The following PDXDC1 variants were observed in gnomAD, a reference collection of about 807,000 sequenced individuals.
PDXDC1 encodes pyridoxal-dependent decarboxylase domain-containing protein 1.
In PDXDC1, 42 loss-of-function variants were observed where a neutral mutation model predicts 100.1. The observed-to-expected ratio is 0.42, with a 90% confidence interval of 0.33 to 0.54. PDXDC1 has a LOEUF of 0.54. Ranked by LOEUF, PDXDC1 falls within the 20% of genes least tolerant of loss-of-function variation. The pLI, the probability that PDXDC1 is intolerant of heterozygous loss-of-function variation, is 0.10. For synonymous variants in PDXDC1, 260 were observed against 371.7 expected, an observed-to-expected ratio of 0.70 and a Z score of 3.46; for missense variants, 636 against 979.2, an observed-to-expected ratio of 0.65 and a Z score of 4.68.
intron 16 of PDXDC1, chr16:15,133,726 T>C (rs2048217168): frequency 1.9e-6 from 3 of 1,605,010 alleles, no homozygotes. Context: ...CCCCATGGCA[T>C]CACGGGAGGG....
At chr16:15,128,135 C>A in intron 16 of PDXDC1, 3 of 1,610,158 alleles carry the variant, frequency 1.9e-6, no homozygotes, top group South Asian at 2.2e-5. Flanking sequence ...AGGGCTGAGC[C>A]CTGCAGAGGC....
At chr16:15,146,188 C>T in the PDXDC1 span, among the ~76,000 whole-genome samples, 1 of 152,160 alleles carries the variant, frequency 6.6e-6, no homozygotes, top group Admixed American at 6.5e-5. Flanking sequence ...GAGATGGCTC[C>T]AGCAGGAGGC....
intron 16 of PDXDC1, among the ~76,000 whole-genome samples, chr16:15,049,223 C>T (rs1180772994): frequency 6.6e-6 from 1 of 152,098 alleles, no homozygotes; most frequent in Non-Finnish European, 1.5e-5. Context: ...GAGATGGGGC[C>T]TCCCTATGCT....
In PDXDC1 at chr16:15,132,802, G is replaced by A. The variant is rs2048169434; in HGVS notation, c.1400-6077G>A. 6 of 1,301,660 alleles carry A rather than the reference G, an allele frequency of 4.6e-6. No homozygotes were observed. In the South Asian group the frequency reaches 4.7e-5, roughly 10 times the overall value. The allele number at this position is 1,301,660 out of a possible 1,614,324, so 80.6% of individuals were successfully genotyped here. A position where few individuals can be genotyped will look rare whatever the true frequency, so the allele number is the denominator to read the frequency against. On this transcript the variant is annotated intron_variant, in intron 16 of 16. Coordinates refer to the PDXDC1 transcript ENST00000535621. ...TCAGGGACACCAGAGTCTCCGTGAT[G>A]TTCTTGCGTATCTGGGCTCGGCGCT...
chr16:14,977,840 C>T (rs1187982218), intron 1 of PDXDC1, among the ~76,000 whole-genome samples: 6 of 152,250 alleles, frequency 3.9e-5, no homozygotes, highest in African/African-American at 1.4e-4. Flanking sequence ...GTAAATGATC[C>T]CATTTAAACT....
chr16:15,133,749 A>C, intron 16 of PDXDC1: 1 of 1,597,280 alleles, frequency 6.3e-7, no homozygotes, highest in Non-Finnish European at 8.5e-7. Context: ...CCGTGACGTC[A>C]CAGTCGGGGG....
intron 16 of PDXDC1, chr16:15,130,530 G>A (rs2047996250): frequency 1.2e-5 from 16 of 1,319,966 alleles, no homozygotes; most frequent in Admixed American, 8.5e-5. Flanking sequence ...GCCCATACCC[G>A]GTCCAGTCCC....
intron 1 of PDXDC1, among the ~76,000 whole-genome samples, chr16:14,990,323 TCTC>T (rs1424723670): frequency 6.6e-6 from 1 of 152,204 alleles, no homozygotes; most frequent in African/African-American, 2.4e-5. Context: ...TCCTCCTCCT[TCTC>T]CTACAATTTA....
chr16:15,060,850 A>G (rs1405329247), intron 16 of PDXDC1: 1 of 152,260 alleles, frequency 6.6e-6, no homozygotes, highest in Non-Finnish European at 1.5e-5. Context: ...GAAATTCCCA[A>G]TAACTAAGTG....
rs765815445 is a variant in PDXDC1 at position 15,130,488 on chromosome 16, G to C, written c.1400-8391G>C. ...GGAAGGGGCAGTGGACGTGAGCCCA[G>C]GCTCCGCCAGGTTGGATATCGGAGT... On this transcript the variant is annotated intron_variant, in intron 16 of 16. Transcript: ENST00000535621. The C allele has an allele frequency of 6.5e-6, 9 of 1,377,976 alleles. No individual in the cohort carries two copies. The South Asian group carries it at 1.0e-4, about 16-fold the overall frequency. 85.4% of individuals were successfully genotyped at this position (1,377,976 alleles called of 1,614,324 possible). A position where few individuals can be genotyped will look rare whatever the true frequency, so the allele number is the denominator to read the frequency against.
intron 16 of PDXDC1, among the ~76,000 whole-genome samples, chr16:15,059,068 T>G (rs1441122845): frequency 2.0e-5 from 3 of 152,230 alleles, no homozygotes; most frequent in Non-Finnish European, 4.4e-5. Context: ...TATGCAGTTG[T>G]ACACCAATGA....
intron 16 of PDXDC1, chr16:15,085,624 C>A (rs1156433874): frequency 1.9e-6 from 3 of 1,611,106 alleles, no homozygotes; most frequent in South Asian, 2.2e-5. Context: ...AGGCTTTAAA[C>A]CTTTTTATAC....
chr16:15,140,948 A>C (rs1227689360), downstream of PDXDC1, among the ~76,000 whole-genome samples: 1 of 151,870 alleles, frequency 6.6e-6, no homozygotes, highest in Admixed American at 6.6e-5. Flanking sequence ...GTGACCCAGC[A>C]GGTGCCTCTG....
intron 16 of PDXDC1, among the ~76,000 whole-genome samples, chr16:15,067,920 G>A (rs1325343823): frequency 5.3e-5 from 8 of 151,744 alleles, no homozygotes; most frequent in Non-Finnish European, 1.2e-4. Context: ...ACCACACCCA[G>A]CTAATTTTTA....
At chr16:15,078,614 C>T (rs1225697218) in intron 16 of PDXDC1, among the ~76,000 whole-genome samples, 1 of 152,130 alleles carries the variant, frequency 6.6e-6, no homozygotes, top group African/African-American at 2.4e-5. Context: ...CCTGAGCATC[C>T]AGGCTCTTGG....
chr16:15,126,001 G>A lies in PDXDC1; in HGVS notation c.1400-12878G>A, dbSNP rs562408966. ...GACGTGTGCCACTGAACACTTGACA[G>A]CAGACTGGTGCAGCTAAGGAACAGA... On this transcript the variant is annotated intron_variant, in intron 16 of 16. Transcript: ENST00000535621. 1.3e-5 allele frequency: 8 copies of A among 597,808 alleles called. No homozygotes were observed. The Middle Eastern group carries it at 1.3e-3, about 100-fold the overall frequency. 37.0% of individuals were successfully genotyped at this position (597,808 alleles called of 1,614,324 possible).
At chr16:15,062,035 C>A in intron 16 of PDXDC1, 1 of 944,496 alleles carries the variant, frequency 1.1e-6, no homozygotes, top group Non-Finnish European at 1.6e-6. Flanking sequence ...CAAAAGAAAG[C>A]CAGTGTAGTG....
chr16:15,050,312 C>T (rs1191488201), intron 16 of PDXDC1, among the ~76,000 whole-genome samples: 1 of 152,170 alleles, frequency 6.6e-6, no homozygotes, highest in Non-Finnish European at 1.5e-5. Context: ...CAAAATCTTC[C>T]TCAAATGTCT....
At chr16:15,087,748 ACTATC>A (rs1164247663) in intron 16 of PDXDC1, among the ~76,000 whole-genome samples, 2 of 152,218 alleles carry the variant, frequency 1.3e-5, no homozygotes, top group Admixed American at 1.3e-4. Context: ...AATAAAATAA[ACTATC>A]CTATCTCTTT....
Sources: allele counts gnomAD v4.1 joint callset (sites outside exome capture counted in the v4.1 genomes callset), GRCh38; gene constraint gnomAD v4.1.1; transcripts MANE v1.5; gene names NCBI Gene and HGNC (gene_info 2026-07-23, HGNC 2026-07-21).